Variants in KIAA0319 observed in about 807,000 individuals in gnomAD.
KIAA0319 encodes the protein KIAA0319, also known as dyslexia-associated protein KIAA0319.
A neutral mutation model predicts 108.4 loss-of-function variants in KIAA0319; 83 were observed. The ratio of observed to expected loss-of-function variants is 0.77; its 90% CI spans 0.64 to 0.92. KIAA0319 has a LOEUF of 0.92. Ranked by LOEUF, KIAA0319 falls within the 40% of genes least tolerant of loss-of-function variation. KIAA0319 has a pLI of 0.00. For synonymous variants in KIAA0319, 484 were observed against 510.4 expected, an observed-to-expected ratio of 0.95 and a Z score of 0.70; for missense variants, 1,195 against 1,322.4, an observed-to-expected ratio of 0.90 and a Z score of 1.49.
In KIAA0319 at chr6:24,566,617, C is replaced by G. The variant is rs1205574314; in HGVS notation, c.2272G>C (p.Gly758Arg). The G allele has an allele frequency of 6.2e-7, 1 of 1,611,428 alleles. No homozygotes were observed. The highest frequency in any genetic ancestry group is 1.7e-5 in the Admixed American group (1 of 59,448). ...CTCACTCCAGCTGCTGGACTCTGGC[C>G]ATCCCGGATCCACAGATAGGACACA... The part of the protein sequence containing the change: ...RIVSYLWIRD[G>R]QSPAAGDVID... The change falls in exon 14 of 21, where the codon GGC becomes CGC. Residue 758 changes from glycine to arginine, a missense_variant. Coordinates refer to ENST00000378214, the MANE Select transcript of KIAA0319 (RefSeq NM_014809.4).
intron 1 of KIAA0319, among the ~76,000 whole-genome samples, chr6:24,608,264 T>C (rs1771725671): frequency 2.0e-5 from 3 of 152,080 alleles, no homozygotes; most frequent in Middle Eastern, 3.4e-3. Context: ...AAACCTTAAA[T>C]AGATGGAGAA....
At chr6:24,577,064 G>C (rs924310147) in intron 9 of KIAA0319, among the ~76,000 whole-genome samples, 2 of 152,202 alleles carry the variant, frequency 1.3e-5, no homozygotes, top group Non-Finnish European at 2.9e-5. Context: ...ATGAAGCAAA[G>C]ATAAACACAG....
At chr6:24,587,997 G>T (rs1767808684) in intron 4 of KIAA0319, among the ~76,000 whole-genome samples, 1 of 152,202 alleles carries the variant, frequency 6.6e-6, no homozygotes, top group Non-Finnish European at 1.5e-5. Flanking sequence ...CAAAATACAT[G>T]ATCTTTCCAG....
chr6:24,594,405 C>T (rs1217386469), intron 3 of KIAA0319, among the ~76,000 whole-genome samples: 1 of 151,456 alleles, frequency 6.6e-6, no homozygotes, highest in Admixed American at 6.6e-5. Flanking sequence ...GTGGGGGTAT[C>T]ATTTGAGGTC....
rs1006806467 is a variant in KIAA0319 at position 24,626,831 on chromosome 6, A to C, written c.-106+18905T>G. 5.3e-5 allele frequency among the ~76,000 whole-genome samples: 8 copies of C among 152,308 alleles called. No homozygotes were observed. In the South Asian group the frequency reaches 1.4e-3, roughly 28 times the overall value. On this transcript the variant is annotated intron_variant, in intron 1 of 20. Coordinates refer to ENST00000378214, the MANE Select transcript of KIAA0319 (RefSeq NM_014809.4). ...AATTTTGAGGTTTTATTGTGCAATT[A>C]GTTTTGGTAAACTGTGCAGAATAAT...
chr6:24,630,683 G>A (rs9358782), intron 1 of KIAA0319, among the ~76,000 whole-genome samples: 51,321 of 100,258 alleles, frequency 0.51, 10,613 homozygotes, highest in East Asian at 0.75. Context: ...GTGTATATGT[G>A]TATATATATA....
At chr6:24,609,236 C>T (rs1359158464) in intron 1 of KIAA0319, among the ~76,000 whole-genome samples, 1 of 145,590 alleles carries the variant, frequency 6.9e-6, no homozygotes, top group East Asian at 2.0e-4. Flanking sequence ...CCATTGCACT[C>T]CAGCCTGGGT....
chr6:24,583,898 T>C (rs1403456257), intron 4 of KIAA0319, among the ~76,000 whole-genome samples, 196 bp from the exon 5 acceptor site: 3 of 152,152 alleles, frequency 2.0e-5, no homozygotes, highest in African/African-American at 7.2e-5. Context: ...TAGTACAGGG[T>C]TTTAAACCAC....
intron 19 of KIAA0319, among the ~76,000 whole-genome samples, 160 bp downstream of exon 19, chr6:24,554,381 C>G (rs1468314796): frequency 6.6e-6 from 1 of 152,176 alleles, no homozygotes; most frequent in South Asian, 2.1e-4. Flanking sequence ...AAAGCTGCCT[C>G]TAATATTCCA....
chr6:24,575,623 G>A (rs566110984), intron 10 of KIAA0319, among the ~76,000 whole-genome samples: 1 of 152,268 alleles, frequency 6.6e-6, no homozygotes, highest in African/African-American at 2.4e-5. Context: ...ACACTGGAAA[G>A]CAAAGCAGGT....
intron 11 of KIAA0319, among the ~76,000 whole-genome samples, chr6:24,571,931 A>C (rs1442838138): frequency 1.3e-5 from 2 of 152,246 alleles, no homozygotes; most frequent in Non-Finnish European, 2.9e-5. Flanking sequence ...GAACTTCTCC[A>C]TAAGCCCTGC....
rs34883550 is a variant in KIAA0319 at position 24,572,727 on chromosome 6, A to C, written c.1735-29T>G. ...AGTAATAGCAAATACAAAAATAAAAACAAAACAAAACAAAAAAGTAAAGAA... is the reference window on the plus strand; with the variant it reads ...AGTAATAGCAAATACAAAAATAAAACCAAAACAAAACAAAAAAGTAAAGAA... On this transcript the variant is annotated intron_variant, in intron 10 of 20. Transcript: ENST00000378214. 2.6e-6 allele frequency: 4 copies of C among 1,567,858 alleles called. No homozygotes were observed. The South Asian group carries it at 4.7e-5, about 19-fold the overall frequency.
chr6:24,603,843 A>G (rs1036707538), intron 1 of KIAA0319, among the ~76,000 whole-genome samples: 2 of 152,122 alleles, frequency 1.3e-5, no homozygotes, highest in Non-Finnish European at 2.9e-5. Context: ...TCGAGAACCA[A>G]CTCAAATCAC....
chr6:24,592,224 G>A (rs751015062), intron 3 of KIAA0319, among the ~76,000 whole-genome samples: 1 of 152,170 alleles, frequency 6.6e-6, no homozygotes, highest in African/African-American at 2.4e-5. Flanking sequence ...TGAGATAGGG[G>A]TCTAAATTCA....
In KIAA0319 at chr6:24,624,201, TTG is replaced by T. The variant is rs368174970; in HGVS notation, c.-106+21533_-106+21534del. Among the ~76,000 whole-genome samples the T allele has an allele frequency of 2.1e-3, 246 of 115,612 alleles. 2 individuals are homozygous for T. Among genetic ancestry groups the T allele is most frequent in the African/African-American group, 7.4e-3 (201 of 27,102 alleles). The allele number at this position is 115,612 out of a possible 152,430, so 75.8% of individuals were successfully genotyped here. ...CACCACACCTAGCTAATTTTTGGGG[TTG>T]TTTTTTTTTTTTTTTTTTTGTAGAG... On this transcript the variant is annotated intron_variant, in intron 1 of 20. Transcript: ENST00000378214.
At chr6:24,586,211 G>T (rs1266589079) in intron 4 of KIAA0319, among the ~76,000 whole-genome samples, 1 of 152,174 alleles carries the variant, frequency 6.6e-6, no homozygotes, top group Non-Finnish European at 1.5e-5. Flanking sequence ...AATTGATTGA[G>T]ACCTGTCTCA....
rs377520480 is a variant in KIAA0319, at chr6:24,596,076, C to T, written c.598G>A (p.Gly200Arg). The stretch of plus-strand genomic sequence containing the variant: ...TCCGCTGGCACCGCAGGACTGTCTC[C>T]AACAGAGGAGTTGAAGGCCCCCTCG... ...GSEGAFNSSV[G>R]DSPAVPAETQ... Residue 200 changes from glycine (G) to arginine (R), a missense_variant, in exon 3 of 21, where the codon GGA becomes AGA. Transcript: ENST00000378214. 4.0e-5 allele frequency: 65 copies of T among 1,613,926 alleles called. No individual in the cohort carries two copies. The Admixed American group carries it at 1.1e-3, about 26-fold the overall frequency.
In KIAA0319 at chr6:24,568,811, T is replaced by C. The variant is rs745919322; in HGVS notation, c.2110A>G (p.Thr704Ala). The change falls in exon 13 of 21, where the codon ACG becomes GCG. Residue 704 changes from threonine (T) to alanine (A), a missense_variant. Coordinates refer to ENST00000378214, the MANE Select transcript of KIAA0319 (RefSeq NM_014809.4). Reference sequence around the variant, plus strand: ...TTCACAGCCACAGTGAGGGTGGACGTGCTGCTCAGTCCCTGCTGGTCTTTC... The same window carrying C: ...TTCACAGCCACAGTGAGGGTGGACGCGCTGCTCAGTCCCTGCTGGTCTTTC... ...TVKDQQGLSS[T>A]STLTVAVKKE... 36 of 1,614,034 alleles carry C rather than the reference T, an allele frequency of 2.2e-5. No individual in the cohort carries two copies. Among genetic ancestry groups the C allele is most frequent in the African/African-American group, 6.7e-5 (5 of 74,940 alleles).
Position 24,545,370 on chromosome 6 carries a change from A to G in KIAA0319, c.*1795T>C, listed in dbSNP as rs1448549621. The G allele has an allele frequency of 6.6e-6, 1 of 152,174 alleles. No homozygotes were observed. Among genetic ancestry groups the G allele is most frequent in the East Asian group, 1.9e-4 (1 of 5,198 alleles). 9.4% of individuals were successfully genotyped at this position (152,174 alleles called of 1,614,324 possible). A position where few individuals can be genotyped will look rare whatever the true frequency, so the allele number is the denominator to read the frequency against. The stretch of plus-strand genomic sequence containing the variant: ...TGTAAACTGCATATGTTATGTACAT[A>G]AAGCGGTAAATGTTCACTCCCTTCT... On this transcript the variant is annotated 3_prime_UTR_variant, in exon 21 of 21. Coordinates refer to ENST00000378214, the MANE Select transcript of KIAA0319 (RefSeq NM_014809.4).
Sources: gnomAD v4.1 joint callset for allele counts (sites outside exome capture counted in the v4.1 genomes callset) on GRCh38, gnomAD v4.1.1 for gene constraint, MANE v1.5 for transcripts, NCBI Gene and HGNC (gene_info 2026-07-23, HGNC 2026-07-21) for gene names.